Variants in SLC49A4 observed in about 807,000 individuals in gnomAD.
SLC49A4 encodes disrupted in renal cancer protein 2.
In SLC49A4, 36 loss-of-function variants were observed where a neutral mutation model predicts 50.6. The ratio of observed to expected loss-of-function variants is 0.71; its 90% confidence interval spans 0.55 to 0.94. SLC49A4 has a LOEUF of 0.94. SLC49A4 is among the 40% of genes least tolerant of loss of function. The pLI, the probability that SLC49A4 is intolerant of heterozygous loss-of-function variation, is 0.00. For missense variants in SLC49A4, 503 were observed against 605.7 expected (o/e 0.83, Z 1.78); for synonymous variants, 248 against 241.2 (o/e 1.03, Z -0.26).
At chr3:122,855,854 A>C (rs1455292911) in intron 5 of SLC49A4, among the ~76,000 whole-genome samples, 1 of 152,188 alleles carries the variant, frequency 6.6e-6, no homozygotes, top group Non-Finnish European at 1.5e-5. Context: ...TATACTTTTG[A>C]AACCCAGCTC....
intron 6 of SLC49A4, among the ~76,000 whole-genome samples, chr3:122,857,489 T>G (rs1197447780): frequency 6.6e-6 from 1 of 152,100 alleles, no homozygotes; most frequent in Non-Finnish European, 1.5e-5. Flanking sequence ...AAATATAAGA[T>G]CCACATATCA....
intron 2 of SLC49A4, among the ~76,000 whole-genome samples, chr3:122,815,486 G>A (rs994044685): frequency 4.6e-5 from 7 of 152,206 alleles, no homozygotes; most frequent in Admixed American, 2.0e-4. Context: ...CAGCAGCAAT[G>A]TATGTAGTTA....
chr3:122,813,234 C>CT (rs1264290190), intron 2 of SLC49A4, among the ~76,000 whole-genome samples: 2 of 141,030 alleles, frequency 1.4e-5, no homozygotes, highest in African/African-American at 5.3e-5. Context: ...GAGCGAGACT[C>CT]TGTCTCAAAA....
intron 7 of SLC49A4, among the ~76,000 whole-genome samples, chr3:122,867,285 T>C (rs1937132485): frequency 1.3e-5 from 2 of 152,348 alleles, no homozygotes; most frequent in Admixed American, 1.3e-4. Context: ...GTCAATACCA[T>C]TGGATTAAAA....
intron 5 of SLC49A4, among the ~76,000 whole-genome samples, chr3:122,850,511 ATT>A (rs34348304): frequency 1.4e-5 from 2 of 145,906 alleles, no homozygotes; most frequent in Admixed American, 6.8e-5. Context: ...TTTTGAGTTG[ATT>A]TTTTTTTTTT....
intron 6 of SLC49A4, among the ~76,000 whole-genome samples, chr3:122,857,464 A>G (rs1937003446): frequency 1.3e-5 from 2 of 152,192 alleles, no homozygotes; most frequent in South Asian, 4.1e-4. Flanking sequence ...ATCTAATTAT[A>G]TATTTGGGAA....
At chr3:122,848,060 G>A (rs1936880197) in intron 5 of SLC49A4, among the ~76,000 whole-genome samples, 1 of 152,212 alleles carries the variant, frequency 6.6e-6, no homozygotes, top group African/African-American at 2.4e-5. Flanking sequence ...ATGTTGCACG[G>A]TGTAGATAGA....
chr3:122,877,176 T>C (rs1471780839), intron 8 of SLC49A4, among the ~76,000 whole-genome samples: 2 of 152,200 alleles, frequency 1.3e-5, no homozygotes, highest in Non-Finnish European at 2.9e-5. Flanking sequence ...AGCAAGTCAT[T>C]TCCTTGCTTA....
At chr3:122,822,909 C>G (rs929873163) in intron 2 of SLC49A4, among the ~76,000 whole-genome samples, 1 of 152,126 alleles carries the variant, frequency 6.6e-6, no homozygotes, top group African/African-American at 2.4e-5. Context: ...GTATCCACCC[C>G]CTCTCCTTGC....
chr3:122,820,037 T>C (rs1413653072), intron 2 of SLC49A4, among the ~76,000 whole-genome samples: 1 of 152,186 alleles, frequency 6.6e-6, no homozygotes, highest in Non-Finnish European at 1.5e-5. Flanking sequence ...GCCAGATTTC[T>C]AAAAAGCCAA....
At chr3:122,823,542 C>T (rs1936482530) in intron 2 of SLC49A4, among the ~76,000 whole-genome samples, 1 of 152,244 alleles carries the variant, frequency 6.6e-6, no homozygotes, top group Non-Finnish European at 1.5e-5. Context: ...ATTTTACATT[C>T]TCATTTGCCT....
At position 122,827,055 on chromosome 3, in the gene SLC49A4, G is replaced by A. The variant is rs1936541438; in HGVS notation, c.693G>A (p.Val231=). The stretch of plus-strand genomic sequence containing the variant: ...ATATTAAAGATCGCATAGAGGCTGT[G>A]TTATATGCAGGTAATTTGAAGTTTA... ...RAHIKDRIEA[V]LYAEFGVVCL... is the part of the protein sequence containing the mutation. Residue 231 remains valine, a synonymous_variant, in exon 3 of 9, where the codon GTG becomes GTA. Coordinates refer to ENST00000261038, the MANE Select transcript of SLC49A4 (RefSeq NM_032839.3). 6.2e-7 allele frequency: 1 copy of A among 1,600,996 alleles called. No homozygotes were observed.
rs1222236637 is a variant in SLC49A4 at position 122,821,659 on chromosome 3, CT to C, written c.438-5139del. 2.0e-5 allele frequency among the ~76,000 whole-genome samples: 3 copies of C among 152,180 alleles called. No homozygotes were observed. The East Asian group carries it at 5.8e-4, about 29-fold the overall frequency. On this transcript the variant is annotated intron_variant, in intron 2 of 8. Coordinates refer to ENST00000261038, the MANE Select transcript of SLC49A4 (RefSeq NM_032839.3). ...GGACAACTGCCTTTCTGCTCCAGAG[CT>C]TATTGCCCAGAAGACAAAACTGCCT...
chr3:122,822,542 AC>A (rs1936468174), intron 2 of SLC49A4, among the ~76,000 whole-genome samples: 1 of 152,206 alleles, frequency 6.6e-6, no homozygotes, highest in Admixed American at 6.5e-5. Context: ...TACTCAGACC[AC>A]AAATGACCTC....
chr3:122,827,306 T>G (rs1936544157), intron 3 of SLC49A4, among the ~76,000 whole-genome samples: 1 of 152,268 alleles, frequency 6.6e-6, no homozygotes. Context: ...TTCTTAATTT[T>G]AGTCTTTTCA....
chr3:122,799,181 G>A (rs1936095241), intron 1 of SLC49A4, among the ~76,000 whole-genome samples: 2 of 152,244 alleles, frequency 1.3e-5, no homozygotes, highest in African/African-American at 4.8e-5. Context: ...GATCCAGACA[G>A]CAAACAAGAA....
rs561022943 is a variant in SLC49A4 at position 122,842,184 on chromosome 3, T to C, written c.834-3579T>C. On this transcript the variant is annotated intron_variant, in intron 4 of 8. Coordinates refer to ENST00000261038, the MANE Select transcript of SLC49A4 (RefSeq NM_032839.3). ...TGAAGGATGTTAAGCCAAGAAGTTA[T>C]GTACAAGATTGCAGATGTTAGGCCG... 3.9e-3 allele frequency among the ~76,000 whole-genome samples: 592 copies of C among 152,220 alleles called. 6 individuals are homozygous for C. The highest frequency in any genetic ancestry group is 0.013 in the African/African-American group (522 of 41,548).
At chr3:122,804,537 G>A (rs1936182353) in intron 1 of SLC49A4, among the ~76,000 whole-genome samples, 1 of 152,252 alleles carries the variant, frequency 6.6e-6, no homozygotes. Context: ...TGAGTGACAT[G>A]AGGAAAGCAT....
chr3:122,795,210 C>G lies in SLC49A4; in HGVS notation c.18C>G (p.Ser6Arg), dbSNP rs1216481425. Residue 6 changes from serine to arginine, a missense_variant, in exon 1 of 9, where the codon AGC becomes AGG. Coordinates refer to ENST00000261038, the MANE Select transcript of SLC49A4 (RefSeq NM_032839.3). Reference sequence around the variant, plus strand: ...GCGTCGCCATGGGCTCTCGCTGGAGCAGCGAAGAGGAGAGGCAGCCGCTGC... The same window carrying G: ...GCGTCGCCATGGGCTCTCGCTGGAGGAGCGAAGAGGAGAGGCAGCCGCTGC... The part of the protein sequence containing the change: MGSRW[S>R]SEEERQPLLG... 3.0e-6 allele frequency: 4 copies of G among 1,331,168 alleles called. No individual in the cohort carries two copies. The highest frequency in any genetic ancestry group is 3.8e-6 in the Non-Finnish European group (4 of 1,050,712). 82.5% of individuals were successfully genotyped at this position (1,331,168 alleles called of 1,614,324 possible).
Sources: allele counts gnomAD v4.1 joint callset (sites outside exome capture counted in the v4.1 genomes callset), GRCh38; gene constraint gnomAD v4.1.1; transcripts MANE v1.5; gene names NCBI Gene and HGNC (gene_info 2026-07-23, HGNC 2026-07-21).